The following ARHGAP15 variants were observed in gnomAD, a reference collection of about 807,000 sequenced individuals.
ARHGAP15 encodes rho GTPase-activating protein 15.
ARHGAP15 carries 51 observed loss-of-function variants against 63.7 expected under a neutral mutation model. That is an observed-to-expected ratio of 0.80 (90% CI 0.64 to 1.01). The LOEUF (loss-of-function observed/expected upper bound fraction) is 1.01. Among genes scored for constraint, ARHGAP15 ranks in the 50% least tolerant of loss-of-function variants. ARHGAP15 has a pLI of 0.00. For synonymous variants in ARHGAP15, 191 were observed against 193.8 expected, an observed-to-expected ratio of 0.99 and a Z score of 0.12; for missense variants, 560 against 564.6, an observed-to-expected ratio of 0.99 and a Z score of 0.08.
chr2:143,470,518 C>T (rs1044522829), intron 8 of ARHGAP15, among the ~76,000 whole-genome samples: 2 of 142,834 alleles, frequency 1.4e-5, no homozygotes, highest in African/African-American at 2.7e-5. Flanking sequence ...TCATAATATT[C>T]TTTTGTTTTA....
chr2:143,712,642 C>T lies in ARHGAP15; in HGVS notation c.1244+9118C>T, dbSNP rs1040254513. On this transcript the variant is annotated intron_variant, in intron 13 of 13. Transcript: ENST00000295095. ...ACAGAAAAGGAGTCTGAGAATGGCA[C>T]GCATATTGATAGAAAAAACATTTGG... Among the ~76,000 whole-genome samples, 13 of 152,004 alleles carry T rather than the reference C, an allele frequency of 8.6e-5. No homozygotes were observed. In the East Asian group the frequency reaches 9.6e-4, roughly 11 times the overall value.
chr2:143,239,984 C>CT (rs1188577928), intron 5 of ARHGAP15, among the ~76,000 whole-genome samples: 2 of 77,412 alleles, frequency 2.6e-5, no homozygotes, highest in African/African-American at 5.1e-5. Context: ...GAGTGAGACT[C>CT]TGTCTCAAAA....
chr2:143,703,363 C>A, intron 12 of ARHGAP15, 56 bp from the exon 13 acceptor site: 1 of 1,456,948 alleles, frequency 6.9e-7, no homozygotes, highest in Non-Finnish European at 9.4e-7. Flanking sequence ...TCTCATGTAC[C>A]TGTACCTATG....
chr2:143,715,580 C>G (rs555842006), intron 13 of ARHGAP15, among the ~76,000 whole-genome samples: 2 of 152,202 alleles, frequency 1.3e-5, no homozygotes, highest in East Asian at 3.9e-4. Context: ...GTTTGTTTTT[C>G]TTGTAAATTC....
chr2:143,717,771 A>G (rs1457610791), intron 13 of ARHGAP15, among the ~76,000 whole-genome samples: 1 of 152,118 alleles, frequency 6.6e-6, no homozygotes, highest in Non-Finnish European at 1.5e-5. Flanking sequence ...GCTGGGAAAG[A>G]CGAGACCATG....
At chr2:143,479,129 AT>A (rs1297920705) in intron 8 of ARHGAP15, among the ~76,000 whole-genome samples, 1 of 152,238 alleles carries the variant, frequency 6.6e-6, no homozygotes, top group Non-Finnish European at 1.5e-5. Flanking sequence ...TGGAAAGAGT[AT>A]TTAAATGCCA....
chr2:143,320,512 A>G (rs539590943), intron 6 of ARHGAP15, among the ~76,000 whole-genome samples: 3 of 150,106 alleles, frequency 2.0e-5, no homozygotes, highest in Admixed American at 1.4e-4. Context: ...ACTTGACTAT[A>G]ATTGAGAGAA....
intron 12 of ARHGAP15, among the ~76,000 whole-genome samples, chr2:143,632,835 T>G (rs1381520660): frequency 2.0e-5 from 3 of 152,154 alleles, no homozygotes; most frequent in African/African-American, 7.2e-5. Flanking sequence ...ACTCTTGACT[T>G]TATCTTGCCC....
chr2:143,558,476 T>C (rs1376054377), intron 11 of ARHGAP15, among the ~76,000 whole-genome samples: 1 of 152,166 alleles, frequency 6.6e-6, no homozygotes, highest in African/African-American at 2.4e-5. Context: ...ATAAGACCCA[T>C]AGATTTAATG....
At chr2:143,394,829 C>T (rs1440176185) in intron 6 of ARHGAP15, among the ~76,000 whole-genome samples, 3 of 151,974 alleles carry the variant, frequency 2.0e-5, no homozygotes, top group Non-Finnish European at 2.9e-5. Flanking sequence ...TTTCAGAGAG[C>T]AATGAGACAG....
intron 10 of ARHGAP15, among the ~76,000 whole-genome samples, chr2:143,537,811 A>G (rs1224857610): frequency 2.0e-5 from 3 of 152,256 alleles, no homozygotes; most frequent in South Asian, 2.1e-4. Context: ...GTCAGGTAGC[A>G]TGATGTCTCC....
At chr2:143,212,322 G>A (rs947753464) in intron 3 of ARHGAP15, among the ~76,000 whole-genome samples, 1 of 152,200 alleles carries the variant, frequency 6.6e-6, no homozygotes, top group Non-Finnish European at 1.5e-5. Context: ...ATCTCAGCAT[G>A]GCTGTGTCTG....
chr2:143,132,193 C>G (rs911749438), intron 1 of ARHGAP15, among the ~76,000 whole-genome samples: 1 of 152,074 alleles, frequency 6.6e-6, no homozygotes, highest in African/African-American at 2.4e-5. Context: ...TTAAAATGCC[C>G]TTGTAAGTAT....
intron 11 of ARHGAP15, among the ~76,000 whole-genome samples, chr2:143,588,658 G>A (rs759495838): frequency 1.1e-4 from 17 of 152,142 alleles, no homozygotes; most frequent in Admixed American, 2.6e-4. Context: ...CAAAGAACGT[G>A]ATCTCATTCC....
chr2:143,699,850 T>C (rs1462223475), intron 12 of ARHGAP15, among the ~76,000 whole-genome samples: 2 of 152,198 alleles, frequency 1.3e-5, no homozygotes, highest in Non-Finnish European at 2.9e-5. Context: ...TTGTGCTTGG[T>C]ACATTACATA....
At chr2:143,454,548 C>T (rs1004083149) in intron 8 of ARHGAP15, among the ~76,000 whole-genome samples, 5 of 151,910 alleles carry the variant, frequency 3.3e-5, no homozygotes, top group Non-Finnish European at 7.4e-5. Flanking sequence ...AGGCCTTAGA[C>T]AGAATTATAA....
intron 6 of ARHGAP15, among the ~76,000 whole-genome samples, chr2:143,293,325 A>G (rs968350724): frequency 6.6e-6 from 1 of 152,084 alleles, no homozygotes; most frequent in African/African-American, 2.4e-5. Flanking sequence ...AGGTCCTCAT[A>G]CATGCCAGGT....
At chr2:143,310,240 A>C (rs1486729317) in intron 6 of ARHGAP15, among the ~76,000 whole-genome samples, 3 of 152,100 alleles carry the variant, frequency 2.0e-5, no homozygotes, top group Non-Finnish European at 4.4e-5. Flanking sequence ...GTAATACTAC[A>C]AGTAAAAATG....
intron 13 of ARHGAP15, among the ~76,000 whole-genome samples, chr2:143,756,702 G>A (rs1377121039): frequency 6.6e-6 from 1 of 151,958 alleles, no homozygotes; most frequent in Non-Finnish European, 1.5e-5. Flanking sequence ...CATTTACAAT[G>A]AGATATGAAT....
Sources: allele counts gnomAD v4.1 joint callset (sites outside exome capture counted in the v4.1 genomes callset), GRCh38; gene constraint gnomAD v4.1.1; transcripts MANE v1.5; gene names NCBI Gene and HGNC (gene_info 2026-07-23, HGNC 2026-07-21).